MSI2: variants seen among roughly 807,000 people sequenced by gnomAD.
MSI2 encodes the protein musashi RNA binding protein 2.
A neutral mutation model predicts 45.6 loss-of-function variants in MSI2; 17 were observed. That is an observed-to-expected ratio of 0.37 (90% CI 0.26 to 0.56). The LOEUF (loss-of-function observed/expected upper bound fraction) is 0.56. MSI2 is among the 20% of genes least tolerant of loss of function. MSI2 has a pLI of 0.77. For missense variants in MSI2, 293 were observed against 444.2 expected, an observed-to-expected ratio of 0.66 and a Z score of 3.06; for synonymous variants, 156 against 158.2, an observed-to-expected ratio of 0.99 and a Z score of 0.11.
intron 6 of MSI2, among the ~76,000 whole-genome samples, chr17:57,477,498 C>T (rs937168594): frequency 3.9e-5 from 6 of 152,158 alleles, no homozygotes; most frequent in South Asian, 2.1e-4. Context: ...CTAGAATTCT[C>T]CTCCTTCCCC....
At chr17:57,371,344 G>A (rs2083417046) in intron 5 of MSI2, among the ~76,000 whole-genome samples, 1 of 152,074 alleles carries the variant, frequency 6.6e-6, no homozygotes, top group Non-Finnish European at 1.5e-5. Context: ...TGTTTATTTA[G>A]AACATTGATT....
chr17:57,539,762 G>A (rs1188302423), intron 7 of MSI2, among the ~76,000 whole-genome samples: 2 of 152,068 alleles, frequency 1.3e-5, no homozygotes, highest in South Asian at 2.1e-4. Context: ...CCTGGTTTGC[G>A]CCAGTTCATC....
chr17:57,286,006 G>C, intron 5 of MSI2: 1 of 1,530,052 alleles, frequency 6.5e-7, no homozygotes, highest in Non-Finnish European at 8.7e-7. Flanking sequence ...CCTGCAATCT[G>C]ATGAGGGTAA....
At position 57,596,823 on chromosome 17, in the gene MSI2, T is replaced by G; in HGVS notation, c.455-45T>G. On this transcript the variant is annotated intron_variant, in intron 7 of 13. Transcript: ENST00000284073. This position sits in a 1 kb window ranked among gnomAD's most constrained non-coding sequence, Gnocchi z 4.6. ...AAACCTGGGCCTGCCAGAACTGAAC[T>G]CACCCCGCCTCTCTTTGTTTTTTCT... The G allele has an allele frequency of 1.4e-6, 2 of 1,435,038 alleles. No homozygotes were observed. Among genetic ancestry groups the G allele is most frequent in the Non-Finnish European group, 2.0e-6 (2 of 1,020,414 alleles). 88.9% of individuals were successfully genotyped at this position (1,435,038 alleles called of 1,614,324 possible).
chr17:57,373,975 G>C (rs566521496), intron 5 of MSI2, among the ~76,000 whole-genome samples: 1 of 152,316 alleles, frequency 6.6e-6, no homozygotes, highest in East Asian at 1.9e-4. Context: ...TTATGGCGAG[G>C]AGGTTGGACT....
At chr17:57,571,824 G>T (rs2087885607) in intron 7 of MSI2, among the ~76,000 whole-genome samples, 1 of 152,102 alleles carries the variant, frequency 6.6e-6, no homozygotes, top group Admixed American at 6.5e-5. Context: ...CACCAAATGG[G>T]AAAGCCAATA....
chr17:57,312,494 C>A (rs960436157), intron 5 of MSI2, among the ~76,000 whole-genome samples: 2 of 152,138 alleles, frequency 1.3e-5, no homozygotes, highest in Non-Finnish European at 2.9e-5. Flanking sequence ...AGAGAGAAAG[C>A]ACCCTGCTGC....
At chr17:57,575,400 G>A (rs1227461444) in intron 7 of MSI2, among the ~76,000 whole-genome samples, 1 of 152,166 alleles carries the variant, frequency 6.6e-6, no homozygotes, top group Admixed American at 6.5e-5. Flanking sequence ...GGAGTGCTGC[G>A]CATCTCCTGT....
intron 10 of MSI2, among the ~76,000 whole-genome samples, chr17:57,650,484 T>C (rs749880921): frequency 9.9e-5 from 15 of 152,276 alleles, no homozygotes; most frequent in Admixed American, 2.6e-4. Flanking sequence ...GGAGAGGACT[T>C]GGTTGGGGGT....
chr17:57,701,107 G>T, the MSI2 span, among the ~76,000 whole-genome samples: 4 of 152,108 alleles, frequency 2.6e-5, no homozygotes, highest in African/African-American at 9.7e-5. Context: ...TATGTAAGGT[G>T]GTCAGGGGGA....
intron 5 of MSI2, among the ~76,000 whole-genome samples, chr17:57,323,139 A>G (rs908105844): frequency 3.3e-5 from 5 of 152,128 alleles, no homozygotes; most frequent in African/African-American, 1.2e-4. Flanking sequence ...AGAAAGATCA[A>G]AAGCCAAAAA....
intron 11 of MSI2, chr17:57,671,704 C>T (rs1464116683): frequency 2.7e-5 from 4 of 150,002 alleles, no homozygotes; most frequent in East Asian, 4.0e-4. Context: ...TGTGGAGTTA[C>T]GCTGAGTTTG....
At chr17:57,283,312 C>T (rs1199888645) in intron 5 of MSI2, among the ~76,000 whole-genome samples, 1 of 152,158 alleles carries the variant, frequency 6.6e-6, no homozygotes, top group African/African-American at 2.4e-5. Context: ...TCAGTAATGT[C>T]AGCCCCTGGG....
intron 5 of MSI2, among the ~76,000 whole-genome samples, chr17:57,362,907 C>T (rs1191840577): frequency 6.6e-6 from 1 of 152,138 alleles, no homozygotes; most frequent in Non-Finnish European, 1.5e-5. Context: ...TTACGTGTTG[C>T]TGATGGAAAT....
intron 6 of MSI2, among the ~76,000 whole-genome samples, chr17:57,512,669 C>T (rs2086379795): frequency 6.6e-6 from 1 of 152,228 alleles, no homozygotes; most frequent in Non-Finnish European, 1.5e-5. Flanking sequence ...TTCCATGCTT[C>T]TGCAGCCTTG....
rs2286360 is a variant in MSI2, at chr17:57,676,795, G to A, written c.946-192G>A. Among the ~76,000 whole-genome samples the A allele has an allele frequency of 4.0e-3, 605 of 152,318 alleles. 20 individuals carry two copies. In the East Asian group the frequency reaches 0.087, roughly 22 times the overall value. On this transcript the variant is annotated intron_variant, in intron 12 of 13. Transcript: ENST00000284073. ...GTAAGCAGATAGGCTTGGTAGGGGC[G>A]GAGGGAGTGGGGACTAGGGATTTGG...
intron 6 of MSI2, among the ~76,000 whole-genome samples, chr17:57,416,854 T>G (rs1307606657): frequency 6.6e-6 from 1 of 152,282 alleles, no homozygotes; most frequent in Non-Finnish European, 1.5e-5. Context: ...CAGCTGCTGT[T>G]GAAAGGTCCT....
In MSI2 at chr17:57,652,248, C is replaced by A; in HGVS notation, c.790+87C>A. 7.5e-7 allele frequency: 1 copy of A among 1,333,280 alleles called. No homozygotes were observed. The highest frequency in any genetic ancestry group is 1.1e-6 in the Non-Finnish European group (1 of 933,226). 82.6% of individuals were successfully genotyped at this position (1,333,280 alleles called of 1,614,324 possible). On this transcript the variant is annotated intron_variant, in intron 11 of 13. Coordinates refer to ENST00000284073, the MANE Select transcript of MSI2 (RefSeq NM_138962.4). This position sits in a 1 kb window ranked among gnomAD's most constrained non-coding sequence, Gnocchi z 4.1. ...AGGCCCTGTCGGATCTGTGTGGCTG[C>A]ATCTGTCCAACACCACTCTCACCAC...
At chr17:57,690,149 G>GT in the MSI2 span, among the ~76,000 whole-genome samples, 59 of 142,302 alleles carry the variant, frequency 4.1e-4, no homozygotes, top group Middle Eastern at 3.6e-3. Context: ...GTATTGTTCA[G>GT]TTTTTTTTTT....
Sources: gnomAD v4.1 joint callset for allele counts (sites outside exome capture counted in the v4.1 genomes callset) on GRCh38, gnomAD v4.1.1 for gene constraint, Gnocchi (gnomAD v3.1) non-coding constraint, MANE v1.5 for transcripts, NCBI Gene and HGNC (gene_info 2026-07-23, HGNC 2026-07-21) for gene names.